The following IMMP2L variants were observed in gnomAD, a reference collection of about 807,000 sequenced individuals.
The protein encoded by IMMP2L is inner mitochondrial membrane peptidase subunit 2.
A neutral mutation model predicts 19.3 loss-of-function variants in IMMP2L; 18 were observed. That is an observed-to-expected ratio of 0.93 (90% CI 0.64 to 1.38). IMMP2L has a LOEUF of 1.38. Ranked by LOEUF, IMMP2L falls within the 40% of genes most tolerant of loss-of-function variation. IMMP2L has a pLI of 0.00. For synonymous variants in IMMP2L, 76 were observed against 73.0 expected (o/e 1.04, Z -0.21); for missense variants, 233 against 218.2 (o/e 1.07, Z -0.43).
chr7:111,452,643 C>A (rs1490095508), intron 3 of IMMP2L, among the ~76,000 whole-genome samples: 1 of 152,152 alleles, frequency 6.6e-6, no homozygotes, highest in Non-Finnish European at 1.5e-5. Flanking sequence ...CCGTTGACTT[C>A]CTGTTCCTCT....
At chr7:111,132,465 G>C (rs1562833927) in intron 3 of IMMP2L, among the ~76,000 whole-genome samples, 3 of 151,996 alleles carry the variant, frequency 2.0e-5, no homozygotes, top group Admixed American at 6.6e-5. Flanking sequence ...TGAGAAGACA[G>C]AAACTTCTCT....
At chr7:111,547,513 C>A (rs1301121947) in intron 1 of IMMP2L, among the ~76,000 whole-genome samples, 3 of 150,370 alleles carry the variant, frequency 2.0e-5, no homozygotes, top group African/African-American at 4.9e-5. Flanking sequence ...ATACCCCCCC[C>A]CCCTTTTTAT....
At chr7:110,777,236 G>A (rs1799449153) in intron 5 of IMMP2L, among the ~76,000 whole-genome samples, 1 of 151,936 alleles carries the variant, frequency 6.6e-6, no homozygotes, top group Non-Finnish European at 1.5e-5. Flanking sequence ...CGGCAGGTGT[G>A]CCTGAAAATC....
At chr7:111,383,179 G>T (rs970013413) in intron 3 of IMMP2L, among the ~76,000 whole-genome samples, 1 of 152,026 alleles carries the variant, frequency 6.6e-6, no homozygotes, top group Non-Finnish European at 1.5e-5. Flanking sequence ...AATAAAGAGG[G>T]TTTCTCTCCT....
chr7:111,044,344 G>A (rs1216462570), intron 3 of IMMP2L, among the ~76,000 whole-genome samples: 9 of 152,140 alleles, frequency 5.9e-5, no homozygotes, highest in Non-Finnish European at 7.3e-5. Context: ...TGGATCACCC[G>A]AGGTCAGGAG....
intron 3 of IMMP2L, among the ~76,000 whole-genome samples, chr7:111,371,931 T>A (rs144619128): frequency 7.9e-5 from 12 of 152,160 alleles, no homozygotes; most frequent in Non-Finnish European, 1.5e-4. Flanking sequence ...AGTCTTAAGT[T>A]TCATAACTGG....
intron 3 of IMMP2L, among the ~76,000 whole-genome samples, chr7:111,427,804 T>G (rs1836232878): frequency 6.6e-6 from 1 of 151,820 alleles, no homozygotes; most frequent in African/African-American, 2.4e-5. Context: ...TCAAAAAATT[T>G]TAAAATAGTT....
intron 3 of IMMP2L, among the ~76,000 whole-genome samples, chr7:111,007,672 T>C (rs1824445776): frequency 6.6e-6 from 1 of 152,044 alleles, no homozygotes; most frequent in Non-Finnish European, 1.5e-5. Context: ...CATATAGACA[T>C]GTATGTACAC....
intron 3 of IMMP2L, among the ~76,000 whole-genome samples, chr7:111,153,301 T>A (rs1006506347): frequency 6.6e-6 from 1 of 152,144 alleles, no homozygotes; most frequent in African/African-American, 2.4e-5. Flanking sequence ...CTACTAAAGT[T>A]AATTTTTTGT....
At chr7:111,409,957 AT>A (rs1834251524) in intron 3 of IMMP2L, among the ~76,000 whole-genome samples, 1 of 151,794 alleles carries the variant, frequency 6.6e-6, no homozygotes, top group African/African-American at 2.4e-5. Flanking sequence ...TCAGAGCCTC[AT>A]GGTCCAAATA....
chr7:110,953,246 C>T (rs1291125331), intron 4 of IMMP2L, among the ~76,000 whole-genome samples: 2 of 151,914 alleles, frequency 1.3e-5, no homozygotes, highest in African/African-American at 4.8e-5. Flanking sequence ...ATATACATGC[C>T]ATGGTGGTTT....
chr7:110,950,868 A>ATATATATATATATATG (rs1367615263), intron 4 of IMMP2L, among the ~76,000 whole-genome samples: 3 of 140,620 alleles, frequency 2.1e-5, no homozygotes, highest in Non-Finnish European at 3.0e-5. Flanking sequence ...ATATATATAT[A>ATATATATATATATATG]TATGTATATA....
At chr7:110,932,915 C>G (rs1394762297) in intron 4 of IMMP2L, among the ~76,000 whole-genome samples, 1 of 152,110 alleles carries the variant, frequency 6.6e-6, no homozygotes, top group African/African-American at 2.4e-5. Context: ...ACCATACATG[C>G]CTGCAATAGG....
intron 4 of IMMP2L, among the ~76,000 whole-genome samples, chr7:110,952,650 A>C (rs1817950915): frequency 6.6e-6 from 1 of 152,166 alleles, no homozygotes; most frequent in Non-Finnish European, 1.5e-5. Flanking sequence ...AGATAGAGGC[A>C]TGGAGATGTG....
At chr7:111,276,532 T>G (rs974600269) in intron 3 of IMMP2L, among the ~76,000 whole-genome samples, 1 of 151,898 alleles carries the variant, frequency 6.6e-6, no homozygotes, top group Non-Finnish European at 1.5e-5. Context: ...TATTAGTTCT[T>G]CTTTATTATT....
intron 3 of IMMP2L, among the ~76,000 whole-genome samples, chr7:111,158,383 A>T (rs941477815): frequency 6.6e-6 from 1 of 152,114 alleles, no homozygotes; most frequent in African/African-American, 2.4e-5. Flanking sequence ...TAAGGGTGAG[A>T]TTTTTAAATT....
chr7:111,539,192 GAGGGAGA>G lies in IMMP2L; in HGVS notation c.-2-17750_-2-17744del, dbSNP rs1408334171. ...GGAAGGAAGGAAGGAAGGAAGGAAGGAGGGAGAAAGAAAGAAAGAAAGAAAGAAAGAA... is the reference window on the plus strand; with the variant it reads ...GGAAGGAAGGAAGGAAGGAAGGAAGGAAGAAAGAAAGAAAGAAAGAAAGAA... On this transcript the variant is annotated intron_variant, in intron 1 of 5. Transcript: ENST00000405709. Among the ~76,000 whole-genome samples, 12 of 19,822 alleles carry G rather than the reference GAGGGAGA, an allele frequency of 6.1e-4. 1 individual carries two copies. Among genetic ancestry groups the G allele is most frequent in the South Asian group, 2.1e-3 (1 of 480 alleles). 13.0% of individuals were successfully genotyped at this position (19,822 alleles called of 152,430 possible).
intron 5 of IMMP2L, among the ~76,000 whole-genome samples, chr7:110,696,573 C>A (rs947331159): frequency 6.6e-6 from 1 of 151,858 alleles, no homozygotes. Flanking sequence ...ATTACAGGCA[C>A]CTGCCACCAT....
chr7:110,789,751 C>T (rs1304243483), intron 5 of IMMP2L, among the ~76,000 whole-genome samples: 1 of 151,604 alleles, frequency 6.6e-6, no homozygotes, highest in African/African-American at 2.4e-5. Flanking sequence ...TGACATGTTA[C>T]ATCCTAGGCA....
Sources: gnomAD v4.1 joint callset for allele counts (sites outside exome capture counted in the v4.1 genomes callset) on GRCh38, gnomAD v4.1.1 for gene constraint, MANE v1.5 for transcripts, NCBI Gene and HGNC (gene_info 2026-07-23, HGNC 2026-07-21) for gene names.